The following PDZD2 variants were observed in gnomAD, a reference collection of about 807,000 sequenced individuals.
PDZD2 encodes the protein PDZ domain containing 2.
In PDZD2, 90 loss-of-function variants were observed where a neutral mutation model predicts 220.7. The observed-to-expected ratio is 0.41, with a 90% CI of 0.34 to 0.49. The LOEUF (loss-of-function observed/expected upper bound fraction) is 0.49. Among genes scored for constraint, PDZD2 ranks in the 20% least tolerant of loss-of-function variants. The probability of loss-of-function intolerance (pLI) is 0.28; values close to 1 mark genes in which losing one functional copy is unlikely to be tolerated. For missense variants in PDZD2, 3,174 were observed against 3,608.5 expected, an observed-to-expected ratio of 0.88 and a Z score of 3.08; for synonymous variants, 1,375 against 1,450.5, an observed-to-expected ratio of 0.95 and a Z score of 1.18.
intron 8 of PDZD2, among the ~76,000 whole-genome samples, chr5:32,050,378 C>A (rs1305269226): frequency 2.6e-5 from 4 of 152,174 alleles, no homozygotes; most frequent in African/African-American, 9.7e-5. Flanking sequence ...CTTCAGGGAT[C>A]GGGAAGCCCA....
At chr5:31,714,908 A>G (rs137971661) in intron 1 of PDZD2, among the ~76,000 whole-genome samples, 138 of 152,142 alleles carry the variant, frequency 9.1e-4, no homozygotes, top group African/African-American at 2.9e-3. Flanking sequence ...AGTACAAAAA[A>G]ATTAGCCAGG....
chr5:31,831,471 G>A (rs867745528), intron 2 of PDZD2, among the ~76,000 whole-genome samples: 7 of 147,050 alleles, frequency 4.8e-5, no homozygotes, highest in African/African-American at 7.6e-5. Flanking sequence ...AAAATTGGCC[G>A]GCTGTGGTGG....
intron 23 of PDZD2, chr5:32,099,978 T>G (rs76061745): frequency 0.02 from 3,033 of 152,342 alleles, 43 homozygotes; most frequent in Non-Finnish European, 0.033. Flanking sequence ...AGCTGCACAG[T>G]AGAGATGCTG....
chr5:31,700,092 G>T (rs1747551137), intron 1 of PDZD2, among the ~76,000 whole-genome samples: 1 of 152,144 alleles, frequency 6.6e-6, no homozygotes, highest in Non-Finnish European at 1.5e-5. Context: ...GCAGTGCACA[G>T]GTGATTTGGC....
intron 1 of PDZD2, among the ~76,000 whole-genome samples, chr5:31,728,875 GTCTC>G (rs374628746): frequency 1.3e-4 from 19 of 150,802 alleles, no homozygotes; most frequent in Middle Eastern, 3.4e-3. Flanking sequence ...TTGAGACAGA[GTCTC>G]TCTCTCTCTC....
chr5:31,972,215 G>A (rs1339920292), intron 2 of PDZD2, among the ~76,000 whole-genome samples: 1 of 152,150 alleles, frequency 6.6e-6, no homozygotes, highest in Non-Finnish European at 1.5e-5. Flanking sequence ...CCAGGATCAA[G>A]CGATTCTCTA....
At position 32,010,084 on chromosome 5, in the gene PDZD2, C is replaced by CAAAA. The variant is rs57019948; in HGVS notation, c.1255-241_1255-238dup. 6.4e-3 allele frequency among the ~76,000 whole-genome samples: 842 copies of CAAAA among 132,016 alleles called. 23 individuals are homozygous for CAAAA. The highest frequency in any genetic ancestry group is 0.025 in the African/African-American group (783 of 31,892). 86.6% of individuals were successfully genotyped at this position (132,016 alleles called of 152,430 possible). The stretch of plus-strand genomic sequence containing the variant: ...CCTGGGCAACAGAGCAAGACTGTCT[C>CAAAA]AAAAAAAAGAAAAAAGAAAAAAAAG... On this transcript the variant is annotated intron_variant, in intron 5 of 24. Coordinates refer to ENST00000438447, the MANE Select transcript of PDZD2 (RefSeq NM_178140.4).
rs139324668 is a variant in PDZD2, at chr5:32,056,036, C to T, written c.1901-1619C>T. Among the ~76,000 whole-genome samples the T allele has an allele frequency of 2.4e-3, 370 of 152,246 alleles. 3 individuals carry two copies. Among genetic ancestry groups the T allele is most frequent in the Admixed American group, 5.1e-3 (78 of 15,298 alleles). ...TTCATATGTGTTCATTTACAAGAAA[C>T]GTAAGTCATTGGAATGGATTTCAAC... On this transcript the variant is annotated intron_variant, in intron 10 of 24. Coordinates refer to ENST00000438447, the MANE Select transcript of PDZD2 (RefSeq NM_178140.4).
At chr5:31,956,830 T>TAAGCAACCTG (rs1240462672) in intron 2 of PDZD2, among the ~76,000 whole-genome samples, 3 of 151,258 alleles carry the variant, frequency 2.0e-5, no homozygotes, top group Non-Finnish European at 4.4e-5. Context: ...TAGGTTCCTT[T>TAAGCAACCTG]AAGCAACCTG....
chr5:31,678,760 C>T (rs976428622), intron 1 of PDZD2, among the ~76,000 whole-genome samples: 5 of 152,124 alleles, frequency 3.3e-5, no homozygotes, highest in Admixed American at 2.6e-4. Flanking sequence ...GTGCTCGCCA[C>T]CACACCTGGC....
In PDZD2 at chr5:31,744,986, T is replaced by C. The variant is rs935201557; in HGVS notation, c.-360-53903T>C. Reference sequence around the variant, plus strand: ...TACTCAGGAGGCTGAGGCAGGAGAATGGCATGAACCTGGGAGGCGGAGCTT... The same window carrying C: ...TACTCAGGAGGCTGAGGCAGGAGAACGGCATGAACCTGGGAGGCGGAGCTT... On this transcript the variant is annotated intron_variant, in intron 1 of 24. Coordinates refer to ENST00000438447, the MANE Select transcript of PDZD2 (RefSeq NM_178140.4). 3.9e-5 allele frequency among the ~76,000 whole-genome samples: 6 copies of C among 151,932 alleles called. No homozygotes were observed. The South Asian group carries it at 6.2e-4, about 16-fold the overall frequency.
At chr5:32,104,900 C>G (rs1053304578) in intron 24 of PDZD2, among the ~76,000 whole-genome samples, 1 of 151,732 alleles carries the variant, frequency 6.6e-6, no homozygotes, top group Non-Finnish European at 1.5e-5. Flanking sequence ...CTTTGGAGAC[C>G]AAGGTGGGCA....
chr5:31,840,572 G>A (rs1334232349), intron 2 of PDZD2: 10 of 702,250 alleles, frequency 1.4e-5, no homozygotes, highest in African/African-American at 3.6e-5. Flanking sequence ...GCTTCTCTGC[G>A]TGGAGCAGGC....
chr5:31,952,956 G>T (rs1295938876), intron 2 of PDZD2, among the ~76,000 whole-genome samples: 6 of 151,432 alleles, frequency 4.0e-5, no homozygotes, highest in African/African-American at 7.3e-5. Context: ...TACTTGGTAG[G>T]CAGAGACAGG....
At chr5:31,679,776 G>C (rs548813870) in intron 1 of PDZD2, among the ~76,000 whole-genome samples, 3 of 152,154 alleles carry the variant, frequency 2.0e-5, no homozygotes, top group Non-Finnish European at 4.4e-5. Context: ...TCCCAAAAGT[G>C]CTGGGATTAC....
chr5:31,960,306 C>G (rs911651605), intron 2 of PDZD2, among the ~76,000 whole-genome samples: 1 of 151,968 alleles, frequency 6.6e-6, no homozygotes, highest in Admixed American at 6.6e-5. Flanking sequence ...AACCTCCACC[C>G]CCCAGGTTCA....
chr5:31,907,132 A>T (rs181689493), intron 2 of PDZD2, among the ~76,000 whole-genome samples: 1 of 152,230 alleles, frequency 6.6e-6, no homozygotes, highest in Admixed American at 6.5e-5. Flanking sequence ...AAGTGGCCAT[A>T]CTCCTTACCT....
intron 2 of PDZD2, among the ~76,000 whole-genome samples, chr5:31,927,880 A>G (rs1744934095): frequency 6.6e-6 from 1 of 152,186 alleles, no homozygotes; most frequent in Non-Finnish European, 1.5e-5. Flanking sequence ...ACTGGGCCAC[A>G]CCGACATGCA....
intron 1 of PDZD2, among the ~76,000 whole-genome samples, chr5:31,724,556 C>T (rs368800755): frequency 1.5e-5 from 2 of 133,990 alleles, no homozygotes; most frequent in Non-Finnish European, 3.1e-5. Flanking sequence ...GAGCCGAGAT[C>T]GTGCCATTGC....
Sources: allele counts gnomAD v4.1 joint callset (sites outside exome capture counted in the v4.1 genomes callset), GRCh38; gene constraint gnomAD v4.1.1; transcripts MANE v1.5; gene names NCBI Gene and HGNC (gene_info 2026-07-23, HGNC 2026-07-21).